DUS3L: variants seen among roughly 807,000 people sequenced by gnomAD.
The protein encoded by DUS3L is dihydrouridine synthase 3 like, also known as tRNA-dihydrouridine(47) synthase [NAD(P)(+)]-like.
Under a neutral mutation model 74.6 loss-of-function variants are expected in DUS3L, and 62 were observed. The observed-to-expected ratio is 0.83, with a 90% CI of 0.68 to 1.03. The LOEUF is 1.03. Ranked by LOEUF, DUS3L falls within the 50% of genes least tolerant of loss-of-function variation. The pLI is 0.00. For synonymous variants in DUS3L, 433 were observed against 395.7 expected (o/e 1.09, Z -1.12); for missense variants, 884 against 924.4 (o/e 0.96, Z 0.57).
rs2144737615 is a variant in DUS3L at position 5,789,611 on chromosome 19, C to T, written c.496G>A (p.Glu166Lys). The T allele has an allele frequency of 3.1e-6, 5 of 1,594,870 alleles. No homozygotes were observed. Among genetic ancestry groups the T allele is most frequent in the Non-Finnish European group, 4.3e-6 (5 of 1,172,690 alleles). The change falls in exon 3 of 13, where the codon GAG becomes AAG. Residue 166 changes from glutamate to lysine, a missense_variant. Physicochemically the swap from Glu to Lys is moderately conservative, Grantham distance 56. Transcript: ENST00000309061. ...ADLGPRCVLFETFGRCPYGVT... is the reference protein window; with the variant it reads ...ADLGPRCVLFKTFGRCPYGVT... ...CCGTAGGGGCACCGGCCGAAGGTCT[C>T]GAAGAGCACGCAGCGGGGGCCCAGG...
chr19:5,785,307 G>T, intron 12 of DUS3L, 32 bp from the exon 13 acceptor site: 1 of 1,609,832 alleles, frequency 6.2e-7, no homozygotes, highest in South Asian at 1.1e-5. Flanking sequence ...GCGAGGTCAG[G>T]CCCAGGACCT....
At position 5,787,291 on chromosome 19, in the gene DUS3L, C is replaced by G; in HGVS notation, c.1278+5G>C. On this transcript the variant is annotated splice_donor_5th_base_variant and intron_variant, in intron 7 of 12. Coordinates refer to ENST00000309061, the MANE Select transcript of DUS3L (RefSeq NM_020175.3). ...GAGCCAGTGCGAGGATGTGGCTGGCCGTACCTGGTTCATGCCACGGACGAT... is the reference window on the plus strand; with the variant it reads ...GAGCCAGTGCGAGGATGTGGCTGGCGGTACCTGGTTCATGCCACGGACGAT... 2.0e-6 allele frequency: 2 copies of G among 1,024,898 alleles called. No homozygotes were observed. Among genetic ancestry groups the G allele is most frequent in the East Asian group, 1.1e-4 (1 of 9,384 alleles). 63.5% of individuals were successfully genotyped at this position (1,024,898 alleles called of 1,614,324 possible).
Position 5,789,317 on chromosome 19 carries a change from G to A in DUS3L, c.790C>T (p.Gln264Ter), listed in dbSNP as rs779471472. 1 of 1,605,106 alleles carries A rather than the reference G, an allele frequency of 6.2e-7. No homozygotes were observed. The highest frequency in any genetic ancestry group is 8.5e-7 in the Non-Finnish European group (1 of 1,176,304). Residue 264 changes from glutamine to a stop codon, truncating the protein, a stop_gained, in exon 3 of 13, where the codon CAG becomes TAG. Transcript: ENST00000309061. LOFTEE classifies it high-confidence loss of function. ...APRQENCGAQQVPAGPGTSTP... is the reference protein window; with the variant it reads ...APRQENCGAQ ...CTAGTGCCCGGCCCTGCGGGGACCTGCTGGGCACCACAGTTTTCCTGCCTG... is the reference window on the plus strand; with the variant it reads ...CTAGTGCCCGGCCCTGCGGGGACCTACTGGGCACCACAGTTTTCCTGCCTG...
rs775715501 is a variant in DUS3L, at chr19:5,789,261, G to A, written c.846C>T (p.Cys282=). ...STPPSSPVRT[C]GPLTDEDVVR... is the part of the protein sequence containing the mutation. ...CCACGTCCTCATCCGTCAGGGGCCC[G>A]CAGGTCCGCACGGGGCTGCTGGGAG... Residue 282 remains cysteine (C), a synonymous_variant, in exon 3 of 13, where the codon TGC becomes TGT. Transcript: ENST00000309061. 4 of 1,573,498 alleles carry A rather than the reference G, an allele frequency of 2.5e-6. No homozygotes were observed. The highest frequency in any genetic ancestry group is 3.4e-6 in the Non-Finnish European group (4 of 1,162,696).
intron 6 of DUS3L, 65 bp downstream of exon 6, chr19:5,787,524 C>T (rs562179726): frequency 1.5e-5 from 23 of 1,572,058 alleles, no homozygotes; most frequent in Middle Eastern, 3.3e-4. Flanking sequence ...ACCGAGACAT[C>T]GCCGGCTGGG....
intron 9 of DUS3L, 55 bp from the exon 10 acceptor site, chr19:5,786,597 G>A (rs141813960): frequency 1.3e-6 from 2 of 1,596,480 alleles, no homozygotes; most frequent in East Asian, 2.2e-5. Context: ...GGACCCTGGA[G>A]TTCTGCTCAC....
At chr19:5,787,816 G>C in intron 5 of DUS3L, 111 bp from the exon 6 acceptor site, 1 of 1,458,992 alleles carries the variant, frequency 6.9e-7, no homozygotes, top group Non-Finnish European at 9.4e-7. Flanking sequence ...CCTCTCTCGG[G>C]GCCTCCCCGG....
rs904165880 is a variant in DUS3L, at chr19:5,785,396, A to T, written c.1867T>A (p.Trp623Arg). The T allele has an allele frequency of 1.9e-6, 3 of 1,597,060 alleles. No homozygotes were observed. Among genetic ancestry groups the T allele is most frequent in the Non-Finnish European group, 2.6e-6 (3 of 1,171,322 alleles). ...TLMASQKAAD[W>R]IRISEMLLGP... ...CCACCCAGGCACCTGATGCGGATCCAGTCGGCTGCCTTCTGGCTGGCCATC... is the reference window on the plus strand; with the variant it reads ...CCACCCAGGCACCTGATGCGGATCCTGTCGGCTGCCTTCTGGCTGGCCATC... Residue 623 changes from tryptophan (W) to arginine (R), a missense_variant, in exon 12 of 13, where the codon TGG becomes AGG. Transcript: ENST00000309061.
chr19:5,788,365 G>C lies in DUS3L; in HGVS notation c.934C>G (p.Leu312Val). The change falls in exon 4 of 13, where the codon CTC (leucine) becomes GTC (valine). Residue 312 changes from leucine (L) to valine (V), a missense_variant. By Grantham distance (32) the Leu-to-Val change is conservative. Coordinates refer to ENST00000309061, the MANE Select transcript of DUS3L (RefSeq NM_020175.3). ...CCTGACCCAGGTCCTACCGTGGTGA[G>C]GGGGGCCAGGTAAAGTTTGCCACGG... ...DIRGKLYLAP[L>V]TTCGNLPFRR... 6.2e-7 allele frequency: 1 copy of C among 1,613,658 alleles called. No homozygotes were observed.
rs1417112476 is a variant in DUS3L, at chr19:5,789,378, G to A, written c.729C>T (p.Ala243=). 8 of 1,592,174 alleles carry A rather than the reference G, an allele frequency of 5.0e-6. No homozygotes were observed. Among genetic ancestry groups the A allele is most frequent in the Admixed American group, 3.5e-5 (2 of 56,804 alleles). The change falls in exon 3 of 13, where the codon GCC becomes GCT. Residue 243 remains alanine (A), a synonymous_variant. Coordinates refer to ENST00000309061, the MANE Select transcript of DUS3L (RefSeq NM_020175.3). ...RRFSQGPTPA[A]AVPEGTAAEG... ...CGGCTGCCGTGCCCTCGGGGACAGCGGCAGCGGGTGTGGGGCCCTGGCTGA... is the reference window on the plus strand; with the variant it reads ...CGGCTGCCGTGCCCTCGGGGACAGCAGCAGCGGGTGTGGGGCCCTGGCTGA...
Position 5,789,467 on chromosome 19 carries a change from G to A in DUS3L, c.640C>T (p.Leu214=), listed in dbSNP as rs2056887842. ...PSIRNGLDKA[L]QQQLRKREVR... is the part of the protein sequence containing the mutation. ...TCGCGCTTCCGCAGCTGCTGCTGCA[G>A]GGCTTTGTCCAGGCCGTTGCGGATG... Residue 214 remains leucine, a synonymous_variant, in exon 3 of 13, where the codon CTG becomes TTG. Transcript: ENST00000309061. The A allele has an allele frequency of 2.5e-6, 4 of 1,603,192 alleles. No homozygotes were observed. Among genetic ancestry groups the A allele is most frequent in the Non-Finnish European group, 3.4e-6 (4 of 1,178,972 alleles).
rs764497665 is a variant in DUS3L, at chr19:5,785,231, G to A, written c.1925C>T (p.Pro642Leu). Residue 642 changes from proline (P) to leucine (L), a missense_variant, in exon 13 of 13, where the codon CCG becomes CTG. By Grantham distance (98) the Pro-to-Leu change is moderately conservative. Coordinates refer to ENST00000309061, the MANE Select transcript of DUS3L (RefSeq NM_020175.3). ...GPVPPSFAFL[P>L]KHKANAYK ...CTTGTACGCGTTGGCCTTGTGCTTC[G>A]GCAAGAAGGCGAAGCTGGGGGGCAC... The A allele has an allele frequency of 2.4e-5, 39 of 1,610,274 alleles. No homozygotes were observed. The East Asian group carries it at 6.5e-4, about 27-fold the overall frequency.
intron 3 of DUS3L, 78 bp downstream of exon 3, chr19:5,789,129 G>A (rs1453278971): frequency 1.3e-6 from 2 of 1,487,146 alleles, no homozygotes; most frequent in African/African-American, 1.5e-5. Flanking sequence ...GCTAGAACAG[G>A]AACGTGGACA....
At chr19:5,790,866 A>T in intron 1 of DUS3L, 178 bp downstream of exon 1, 2 of 642,546 alleles carry the variant, frequency 3.1e-6, no homozygotes, top group Non-Finnish European at 5.5e-6. Context: ...ACAGGCCCCA[A>T]CGTGCACGAT....
rs1394609615 is a variant in DUS3L, at chr19:5,785,595, G to A, written c.1751+8C>T. On this transcript the variant is annotated splice_region_variant and intron_variant, in intron 11 of 12. Coordinates refer to ENST00000309061, the MANE Select transcript of DUS3L (RefSeq NM_020175.3). The stretch of plus-strand genomic sequence containing the variant: ...GCGCCGCCCACCCCAGCCAGCCCCG[G>A]TGCCCACCGGCACAGGAAGGACAGC... 6.3e-7 allele frequency: 1 copy of A among 1,598,182 alleles called. No individual in the cohort carries two copies. The highest frequency in any genetic ancestry group is 1.7e-5 in the Admixed American group (1 of 58,370).
chr19:5,789,169 T>TGGA, intron 3 of DUS3L, 38 bp downstream of exon 3: 4 of 1,504,798 alleles, frequency 2.7e-6, no homozygotes, highest in Middle Eastern at 3.6e-4. Flanking sequence ...GCACACCAGA[T>TGGA]GGACAGATCT....
At chr19:5,785,544 G>A (rs759694898) in intron 11 of DUS3L, 33 bp from the exon 12 acceptor site, 9 of 1,551,470 alleles carry the variant, frequency 5.8e-6, no homozygotes, top group Admixed American at 1.9e-5. Context: ...ACAGGCTTGA[G>A]TCAGCTCTAA....
chr19:5,789,226 C>A lies in DUS3L; in HGVS notation c.881G>T (p.Arg294Leu). The stretch of plus-strand genomic sequence containing the variant: ...ACGTACCCGCTTCTTCTCACAGGGC[C>A]GCAGCCTGACCACGTCCTCATCCGT... ...PLTDEDVVRL[R>L]PCEKKRLDIR... The change falls in exon 3 of 13, where the codon CGG becomes CTG. Residue 294 changes from arginine (R) to leucine (L), a missense_variant. By Grantham distance (102) the Arg-to-Leu change is moderately radical (BLOSUM62 -2). Transcript: ENST00000309061. 6.4e-7 allele frequency: 1 copy of A among 1,551,700 alleles called. No individual in the cohort carries two copies. The highest frequency in any genetic ancestry group is 8.7e-7 in the Non-Finnish European group (1 of 1,152,638).
chr19:5,786,396 T>A (rs2056842284), intron 10 of DUS3L, 71 bp downstream of exon 10: 1 of 1,472,704 alleles, frequency 6.8e-7, no homozygotes, highest in African/African-American at 1.4e-5. Context: ...CAGGGGTGGG[T>A]GACGGCGTGT....
Sources: gnomAD v4.1 joint callset for allele counts on GRCh38, gnomAD v4.1.1 for gene constraint, MANE v1.5 for transcripts, NCBI Gene and HGNC (gene_info 2026-07-23, HGNC 2026-07-21) for gene names.